The following TEX15 variants were observed in gnomAD, a reference collection of about 807,000 sequenced individuals.
TEX15 encodes testis expressed 15, meiosis and synapsis associated.
In TEX15, 171 loss-of-function variants were observed where a neutral mutation model predicts 237.3. The observed-to-expected ratio is 0.72, with a 90% CI of 0.64 to 0.82. The LOEUF is 0.82. Ranked by LOEUF, TEX15 falls within the 40% of genes least tolerant of loss-of-function variation. The pLI, the probability that TEX15 is intolerant of heterozygous loss-of-function variation, is 0.00. For missense variants in TEX15, 3,750 were observed against 3,646.5 expected (o/e 1.03, Z -0.73); for synonymous variants, 1,338 against 1,269.8 (o/e 1.05, Z -1.14).
Position 30,843,385 on chromosome 8 carries a change from T to G in TEX15, c.6782A>C (p.Lys2261Thr). 6.2e-7 allele frequency: 1 copy of G among 1,613,034 alleles called. No homozygotes were observed. The highest frequency in any genetic ancestry group is 8.5e-7 in the Non-Finnish European group (1 of 1,179,706). ...ATGTTCCAGACCATAAAGAGATATT[T>G]TAACACGTACTGCCTCGTTGTTCTT... The part of the protein sequence containing the change: ...FIKNNEAVRV[K>T]ISLYGLEHIF... Residue 2261 changes from lysine (K) to threonine (T), a missense_variant, in exon 8 of 11, where the codon AAA becomes ACA. Lys to Thr is a moderately conservative substitution (Grantham distance 78). Coordinates refer to ENST00000643185, the MANE Select transcript of TEX15 (RefSeq NM_001350162.2).
At chr8:30,884,222 G>GATGGTA (rs1361401166) in intron 3 of TEX15, among the ~76,000 whole-genome samples, 3 of 152,188 alleles carry the variant, frequency 2.0e-5, no homozygotes, top group African/African-American at 7.2e-5. Context: ...ACTTGCGTGA[G>GATGGTA]ATGGTATCTC....
rs964266898 is a variant in TEX15, at chr8:30,892,121, T to G, written c.-9-4810A>C. Among the ~76,000 whole-genome samples the G allele has an allele frequency of 2.1e-4, 32 of 152,232 alleles. 1 individual carries two copies. The highest frequency in any genetic ancestry group is 6.0e-4 in the African/African-American group (25 of 41,466). On this transcript the variant is annotated intron_variant, in intron 2 of 10. Transcript: ENST00000643185. Reference sequence around the variant, plus strand: ...TATCCCATATATTTTCTTCTAAAACTTTCATAGTTTTGCCTTTTACCTTTA... The same window carrying G: ...TATCCCATATATTTTCTTCTAAAACGTTCATAGTTTTGCCTTTTACCTTTA...
chr8:30,892,890 G>A (rs1384016080), intron 2 of TEX15, among the ~76,000 whole-genome samples: 3 of 151,956 alleles, frequency 2.0e-5, no homozygotes, highest in Non-Finnish European at 2.9e-5. Flanking sequence ...AAAATTAGCC[G>A]GGCGTGGTTG....
At position 30,843,180 on chromosome 8, in the gene TEX15, A is replaced by T; in HGVS notation, c.6987T>A (p.Pro2329=). The change falls in exon 8 of 11, where the codon CCT becomes CCA. Residue 2329 remains proline (P), a synonymous_variant. Coordinates refer to ENST00000643185, the MANE Select transcript of TEX15 (RefSeq NM_001350162.2). ...TTATAGTATCCTCCTCAAGCCCAAT[A>T]GGGGAAATTGGTTCATTGTTTAAAT... ...SKDLNNEPIS[P]IGLEEDTIIA... 6.2e-7 allele frequency: 1 copy of T among 1,613,478 alleles called. No homozygotes were observed. The highest frequency in any genetic ancestry group is 1.7e-5 in the Admixed American group (1 of 59,964).
intron 5 of TEX15, among the ~76,000 whole-genome samples, chr8:30,862,804 C>T (rs991663226): frequency 6.6e-5 from 10 of 152,098 alleles, no homozygotes; most frequent in Admixed American, 2.6e-4. Context: ...ATGTTTATTT[C>T]TCCAAGAAAA....
At chr8:30,889,940 T>TATATACATATATATATATAC (rs1554502302) in intron 2 of TEX15, among the ~76,000 whole-genome samples, 3 of 129,920 alleles carry the variant, frequency 2.3e-5, no homozygotes, top group African/African-American at 1.1e-4. Flanking sequence ...TATACATATA[T>TATATACATATATATATATAC]ATATATATAT....
At chr8:30,834,178 T>C (rs561451197) in intron 10 of TEX15, among the ~76,000 whole-genome samples, 1 of 152,300 alleles carries the variant, frequency 6.6e-6, no homozygotes, top group African/African-American at 2.4e-5. Flanking sequence ...TTTTCCCCTT[T>C]TATTATTTTT....
Position 30,849,242 on chromosome 8 carries a change from C to T in TEX15, c.925G>A (p.Val309Met). ...GKGKDATVTF[V>M]HFKKPVDPFV... ...GGATCTACAGGTTTCTTGAAATGCACAAAGGTGACAGTAGCATCTTTTCCT... is the reference window on the plus strand; with the variant it reads ...GGATCTACAGGTTTCTTGAAATGCATAAAGGTGACAGTAGCATCTTTTCCT... The change falls in exon 8 of 11, where the codon GTG becomes ATG. Residue 309 changes from valine (V) to methionine (M), a missense_variant. Transcript: ENST00000643185. 1 of 1,536,054 alleles carries T rather than the reference C, an allele frequency of 6.5e-7. No homozygotes were observed. The highest frequency in any genetic ancestry group is 8.7e-7 in the Non-Finnish European group (1 of 1,146,868).
chr8:30,843,199 T>C lies in TEX15; in HGVS notation c.6968A>G (p.Asn2323Ser). 1 of 1,613,538 alleles carries C rather than the reference T, an allele frequency of 6.2e-7. No homozygotes were observed. The highest frequency in any genetic ancestry group is 8.5e-7 in the Non-Finnish European group (1 of 1,179,648). The change falls in exon 8 of 11, where the codon AAC becomes AGC. Residue 2323 changes from asparagine (N) to serine (S), a missense_variant. Coordinates refer to ENST00000643185, the MANE Select transcript of TEX15 (RefSeq NM_001350162.2). ...CCCAATAGGGGAAATTGGTTCATTG[T>C]TTAAATCTTTAGACAAAGTATCATA... ...KIYDTLSKDL[N>S]NEPISPIGLE...
At position 30,847,490 on chromosome 8, in the gene TEX15, T is replaced by G. The variant is rs1807647916; in HGVS notation, c.2677A>C (p.Asn893His). The G allele has an allele frequency of 3.1e-6, 5 of 1,613,266 alleles. No individual in the cohort carries two copies. In the East Asian group the frequency reaches 1.1e-4, roughly 36 times the overall value. Residue 893 changes from asparagine (N) to histidine (H), a missense_variant, in exon 8 of 11, where the codon AAC becomes CAC. Transcript: ENST00000643185. The part of the protein sequence containing the change: ...YGDKKQDSHT[N>H]ENFSNIDEKE... ...TCATCTATATTGCTGAAATTTTCGT[T>G]TGTATGAGAATCCTGCTTTTTGTCT...
At chr8:30,893,974 T>C (rs1808845143) in intron 2 of TEX15, among the ~76,000 whole-genome samples, 1 of 152,198 alleles carries the variant, frequency 6.6e-6, no homozygotes. Context: ...CTTCTTCATA[T>C]CTAAAAATCA....
At chr8:30,838,445 T>C (rs936640745) in intron 9 of TEX15, among the ~76,000 whole-genome samples, 15 of 152,046 alleles carry the variant, frequency 9.9e-5, no homozygotes, top group Non-Finnish European at 1.9e-4. Flanking sequence ...TATAAATAAC[T>C]GGTAAACTAC....
intron 7 of TEX15, among the ~76,000 whole-genome samples, chr8:30,852,060 C>T (rs571225566): frequency 6.6e-6 from 1 of 150,980 alleles, no homozygotes; most frequent in African/African-American, 2.4e-5. Flanking sequence ...AACATGGATG[C>T]CAGGTCCTGT....
At position 30,838,754 on chromosome 8, in the gene TEX15, ATGTGTG is replaced by A. The variant is rs1348446473; in HGVS notation, c.8223-699_8223-694del. ...CACACATACACACATATGTATGTGT[ATGTGTG>A]TATATATAAAAACATATATATATAT... On this transcript the variant is annotated intron_variant, in intron 9 of 10. Coordinates refer to ENST00000643185, the MANE Select transcript of TEX15 (RefSeq NM_001350162.2). Among the ~76,000 whole-genome samples the A allele has an allele frequency of 1.7e-3, 218 of 131,212 alleles. 5 individuals are homozygous for A. The highest frequency in any genetic ancestry group is 0.015 in the Admixed American group (195 of 12,762). The allele number at this position is 131,212 out of a possible 152,430, so 86.1% of individuals were successfully genotyped here.
At chr8:30,860,482 T>A (rs1178342432) in intron 5 of TEX15, among the ~76,000 whole-genome samples, 1 of 151,508 alleles carries the variant, frequency 6.6e-6, no homozygotes, top group Non-Finnish European at 1.5e-5. Flanking sequence ...ATGGGATGAC[T>A]CAACATGGCA....
chr8:30,863,817 A>G (rs1233797640), intron 5 of TEX15, among the ~76,000 whole-genome samples: 1 of 152,178 alleles, frequency 6.6e-6, no homozygotes, highest in Admixed American at 6.5e-5. Flanking sequence ...TACAACAATC[A>G]AAAAACAGAA....
At chr8:30,910,594 C>G (rs2128780649) in intron 1 of TEX15, among the ~76,000 whole-genome samples, 1 of 150,050 alleles carries the variant, frequency 6.7e-6, no homozygotes, top group East Asian at 2.0e-4. Flanking sequence ...CAAAGGCTTG[C>G]ACCACCACGC....
chr8:30,910,584 C>G (rs1303930592), intron 1 of TEX15, among the ~76,000 whole-genome samples: 3 of 150,014 alleles, frequency 2.0e-5, no homozygotes, highest in Middle Eastern at 3.6e-3. Flanking sequence ...AGCTGGGGAC[C>G]AAAGGCTTGC....
At chr8:30,889,934 CATATATATATATATATATACATATAT>C (rs1030241135) in intron 2 of TEX15, among the ~76,000 whole-genome samples, 7 of 123,326 alleles carry the variant, frequency 5.7e-5, no homozygotes, top group Admixed American at 1.7e-4. Context: ...TAGTTATATA[CATATATATATATATATATACATATAT>C]ATATATATGT....
Sources: gnomAD v4.1 joint callset for allele counts (sites outside exome capture counted in the v4.1 genomes callset) on GRCh38, gnomAD v4.1.1 for gene constraint, MANE v1.5 for transcripts, NCBI Gene and HGNC (gene_info 2026-07-23, HGNC 2026-07-21) for gene names.